The following ERG variants were observed in gnomAD, a reference collection of about 807,000 sequenced individuals.
ERG encodes transcriptional regulator ERG.
In ERG, 9 loss-of-function variants were observed where a neutral mutation model predicts 55.3. The ratio of observed to expected loss-of-function variants is 0.16; its 90% confidence interval spans 0.10 to 0.28. The LOEUF is 0.28. Among genes scored for constraint, ERG ranks in the 10% least tolerant of loss-of-function variants. ERG has a pLI of 1.00. For missense variants in ERG, 434 were observed against 631.6 expected, an observed-to-expected ratio of 0.69 and a Z score of 3.35; for synonymous variants, 223 against 237.3, an observed-to-expected ratio of 0.94 and a Z score of 0.55.
At position 38,450,739 on chromosome 21, in the gene ERG, C is replaced by G. The variant is rs79609514; in HGVS notation, c.19-5118G>C. ...AGATACACCACTTGTCACATTTTAT[C>G]AGCTCTGAAATATGAAAATGAAAGG... On this transcript the variant is annotated intron_variant, in intron 1 of 9. Transcript: ENST00000288319. 4.9e-3 allele frequency: 1,661 copies of G among 341,702 alleles called. 23 individuals are homozygous for G. The highest frequency in any genetic ancestry group is 0.031 in the African/African-American group (1,460 of 46,516). The allele number at this position is 341,702 out of a possible 1,614,324, so 21.2% of individuals were successfully genotyped here.
chr21:38,525,975 T>C (rs2212599), intron 2 of ERG, among the ~76,000 whole-genome samples: 131,236 of 152,242 alleles, frequency 0.86, 56,753 homozygotes, highest in African/African-American at 0.93. Flanking sequence ...ATAATAATAC[T>C]TTTTCTGACT....
chr21:38,572,006 A>C (rs2059960824), intron 2 of ERG, among the ~76,000 whole-genome samples: 1 of 152,136 alleles, frequency 6.6e-6, no homozygotes, highest in Admixed American at 6.5e-5. Context: ...CCAAAAACAA[A>C]ATCTTCCACT....
intron 1 of ERG, among the ~76,000 whole-genome samples, chr21:38,649,412 A>C (rs2060475624): frequency 6.6e-6 from 1 of 152,164 alleles, no homozygotes; most frequent in Admixed American, 6.5e-5. Context: ...GGCCAGTCAA[A>C]CGTTCTGGTT....
chr21:38,411,870 A>G (rs1231647613), intron 3 of ERG, among the ~76,000 whole-genome samples: 1 of 152,194 alleles, frequency 6.6e-6, no homozygotes, highest in African/African-American at 2.4e-5. Context: ...TTTCAAGGCT[A>G]TGTTATTAGG....
At chr21:38,597,624 G>A (rs561316583) in intron 1 of ERG, among the ~76,000 whole-genome samples, 4 of 152,212 alleles carry the variant, frequency 2.6e-5, no homozygotes, top group African/African-American at 4.8e-5. Flanking sequence ...TCCTGGGAAC[G>A]AGGCATGAGC....
intron 6 of ERG, among the ~76,000 whole-genome samples, chr21:38,392,964 A>G (rs116741750): frequency 0.011 from 1,695 of 152,256 alleles, 41 homozygotes; most frequent in African/African-American, 0.039. Context: ...TCTCTTAGCC[A>G]ACTCCCATTT....
chr21:38,597,497 A>ACACACACACG (rs1374808594), intron 1 of ERG, among the ~76,000 whole-genome samples: 22 of 151,824 alleles, frequency 1.4e-4, no homozygotes, highest in African/African-American at 5.1e-4. Context: ...ACACACACAC[A>ACACACACACG]CACGCACACA....
chr21:38,566,139 C>T (rs904846910), intron 2 of ERG, among the ~76,000 whole-genome samples: 1 of 152,120 alleles, frequency 6.6e-6, no homozygotes, highest in African/African-American at 2.4e-5. Context: ...TATCAATGAT[C>T]ATTCTTTCAT....
At chr21:38,644,019 C>T (rs865916089) in intron 1 of ERG, among the ~76,000 whole-genome samples, 33 of 152,210 alleles carry the variant, frequency 2.2e-4, no homozygotes, top group African/African-American at 6.8e-4. Flanking sequence ...TTCTTTCTCA[C>T]CCTCTCAACA....
intron 1 of ERG, 106 bp from the exon 2 acceptor site, chr21:38,445,727 C>A (rs1010176890): frequency 2.5e-6 from 2 of 814,338 alleles, no homozygotes; most frequent in African/African-American, 1.7e-5. Context: ...CATTTTAGAT[C>A]GTTTTTATGG....
At chr21:38,378,875 C>T (rs990940692), downstream of ERG, among the ~76,000 whole-genome samples, 1 of 152,186 alleles carries the variant, frequency 6.6e-6, no homozygotes, top group African/African-American at 2.4e-5. Context: ...GCATTTGTTG[C>T]ACCTCTTACG....
At chr21:38,649,542 T>C (rs2146983515) in intron 1 of ERG, among the ~76,000 whole-genome samples, 1 of 152,362 alleles carries the variant, frequency 6.6e-6, no homozygotes, top group Middle Eastern at 3.4e-3. Flanking sequence ...TTTACACATG[T>C]TCACTGAACG....
intron 2 of ERG, among the ~76,000 whole-genome samples, chr21:38,561,254 C>A (rs1405696577): frequency 6.6e-6 from 1 of 152,106 alleles, no homozygotes; most frequent in African/African-American, 2.4e-5. Context: ...GTAAAAATAT[C>A]TTCTCCCTCT....
chr21:38,513,585 A>T (rs2059530680), intron 2 of ERG, among the ~76,000 whole-genome samples: 1 of 152,220 alleles, frequency 6.6e-6, no homozygotes, highest in African/African-American at 2.4e-5. Flanking sequence ...ATGGCACTGC[A>T]TAAAGAGATG....
chr21:38,644,409 A>C (rs570832749), intron 1 of ERG, among the ~76,000 whole-genome samples: 5 of 152,332 alleles, frequency 3.3e-5, no homozygotes, highest in African/African-American at 1.2e-4. Flanking sequence ...CCTGGCTTCC[A>C]CTTGTTTTCT....
At chr21:38,489,054 C>T (rs1407323242) in intron 1 of ERG, among the ~76,000 whole-genome samples, 2 of 152,166 alleles carry the variant, frequency 1.3e-5, no homozygotes, top group Non-Finnish European at 2.9e-5. Context: ...CCACTGGGAG[C>T]CCTTCCTGCA....
chr21:38,488,765 C>T (rs2836435), intron 1 of ERG, among the ~76,000 whole-genome samples: 33,611 of 152,070 alleles, frequency 0.22, 3,804 homozygotes, highest in African/African-American at 0.27. Context: ...TAAAAACATT[C>T]GAATTATGCA....
rs58333375 is a variant in ERG, at chr21:38,548,614, ATTTTTTTTTT to A, written c.-41+27038_-41+27047del. Among the ~76,000 whole-genome samples the A allele has an allele frequency of 5.6e-5, 6 of 107,170 alleles. No homozygotes were observed. The East Asian group carries it at 1.7e-3, about 30-fold the overall frequency. The allele number at this position is 107,170 out of a possible 152,430, so 70.3% of individuals were successfully genotyped here. A position where few individuals can be genotyped will look rare whatever the true frequency, so the allele number is the denominator to read the frequency against. On this transcript the variant is annotated intron_variant, in intron 2 of 8. Coordinates refer to the ERG transcript ENST00000398897. Reference sequence around the variant, plus strand: ...AGGCACCCGCCACCACGCCCGGCTAATTTTTTTTTTTTTTTTTTTTTTTGCATTTTTAGTA... The same window carrying A: ...AGGCACCCGCCACCACGCCCGGCTAATTTTTTTTTTTTTGCATTTTTAGTA...
chr21:38,593,456 A>G (rs1209294997), intron 1 of ERG, among the ~76,000 whole-genome samples: 4 of 152,244 alleles, frequency 2.6e-5, no homozygotes, highest in Admixed American at 6.5e-5. Context: ...TTTCTAAGAA[A>G]GTTCATCAAA....
Sources: allele counts gnomAD v4.1 joint callset (sites outside exome capture counted in the v4.1 genomes callset), GRCh38; gene constraint gnomAD v4.1.1; transcripts MANE v1.5; gene names NCBI Gene and HGNC (gene_info 2026-07-23, HGNC 2026-07-21).